KIAA0825: variants seen among roughly 807,000 people sequenced by gnomAD.
The protein encoded by KIAA0825 is KIAA0825, also known as uncharacterized protein KIAA0825.
In KIAA0825, 119 loss-of-function variants were observed where a neutral mutation model predicts 147.6. That is an observed-to-expected ratio of 0.81 (90% CI 0.69 to 0.94). The LOEUF (loss-of-function observed/expected upper bound fraction) is 0.94. KIAA0825 is among the 40% of genes least tolerant of loss of function. The pLI, the probability that KIAA0825 is intolerant of heterozygous loss-of-function variation, is 0.00. For synonymous variants in KIAA0825, 470 were observed against 518.1 expected, an observed-to-expected ratio of 0.91 and a Z score of 1.26; for missense variants, 1,381 against 1,472.7, an observed-to-expected ratio of 0.94 and a Z score of 1.02.
intron 20 of KIAA0825, among the ~76,000 whole-genome samples, chr5:94,269,734 C>G (rs1476198484): frequency 6.6e-6 from 1 of 151,868 alleles, no homozygotes; most frequent in African/African-American, 2.4e-5. Flanking sequence ...AATAAATAAC[C>G]TAATGATGCA....
chr5:94,171,777 TC>T (rs1180487987), intron 20 of KIAA0825, among the ~76,000 whole-genome samples: 9 of 152,238 alleles, frequency 5.9e-5, no homozygotes, highest in Non-Finnish European at 1.0e-4. Flanking sequence ...CTGGACTCTT[TC>T]CTGTTCCCTT....
intron 20 of KIAA0825, among the ~76,000 whole-genome samples, chr5:94,249,777 TCCCCAATATTTTG>T (rs999004752): frequency 6.6e-6 from 1 of 150,380 alleles, no homozygotes; most frequent in African/African-American, 2.4e-5. Flanking sequence ...TTTGCTTTTT[TCCCCAATATTTTG>T]CTCTGCTGGT....
chr5:94,467,010 A>C (rs1323965786), intron 10 of KIAA0825, among the ~76,000 whole-genome samples: 7 of 152,146 alleles, frequency 4.6e-5, no homozygotes, highest in Admixed American at 4.6e-4. Context: ...GATCAAAATG[A>C]TTTCTCATAT....
At chr5:94,352,647 T>C (rs996478923) in intron 20 of KIAA0825, among the ~76,000 whole-genome samples, 16 of 152,288 alleles carry the variant, frequency 1.1e-4, no homozygotes, top group Non-Finnish European at 1.3e-4. Context: ...CAATTCACAA[T>C]TGCAAAATCA....
intron 20 of KIAA0825, among the ~76,000 whole-genome samples, chr5:94,263,109 C>T (rs1776579588): frequency 6.6e-6 from 1 of 152,012 alleles, no homozygotes; most frequent in Non-Finnish European, 1.5e-5. Flanking sequence ...TTGTTAGGTT[C>T]TAGACCACTA....
rs756800968 is a variant in KIAA0825, at chr5:94,384,473, A to G, written c.3620-15T>C. 2 of 1,538,020 alleles carry G rather than the reference A, an allele frequency of 1.3e-6. No individual in the cohort carries two copies. Among genetic ancestry groups the G allele is most frequent in the South Asian group, 2.4e-5 (2 of 83,764 alleles). ...TTTTGTGATGGCTGACTGTTGATAAATGAGAAGACACTATTGTTAGTTATT... is the reference window on the plus strand; with the variant it reads ...TTTTGTGATGGCTGACTGTTGATAAGTGAGAAGACACTATTGTTAGTTATT... On this transcript the variant is annotated splice_polypyrimidine_tract_variant and intron_variant, in intron 19 of 20. Coordinates refer to ENST00000682413, the MANE Select transcript of KIAA0825 (RefSeq NM_001145678.3).
chr5:94,583,227 G>C (rs1782567632), intron 1 of KIAA0825, among the ~76,000 whole-genome samples: 1 of 152,206 alleles, frequency 6.6e-6, no homozygotes, highest in Non-Finnish European at 1.5e-5. Context: ...AAGTGCAAAG[G>C]GTCGTGGGAT....
intron 20 of KIAA0825, among the ~76,000 whole-genome samples, chr5:94,259,149 C>A (rs934720161): frequency 6.6e-6 from 1 of 151,946 alleles, no homozygotes; most frequent in Non-Finnish European, 1.5e-5. Flanking sequence ...TAAGAGAATT[C>A]CTGCAGTTAC....
chr5:94,443,336 T>TTATATATA (rs5869629), intron 13 of KIAA0825, among the ~76,000 whole-genome samples: 28 of 145,430 alleles, frequency 1.9e-4, no homozygotes, highest in Admixed American at 3.5e-4. Context: ...AAGGGAAATT[T>TTATATATA]TATATATATA....
chr5:94,177,285 A>G (rs2149965773), intron 20 of KIAA0825, among the ~76,000 whole-genome samples: 1 of 152,238 alleles, frequency 6.6e-6, no homozygotes, highest in South Asian at 2.1e-4. Flanking sequence ...TTTAAATTCT[A>G]TATTACATGG....
chr5:94,417,169 C>T (rs29911), intron 15 of KIAA0825, 32 bp downstream of exon 15: 178,970 of 1,532,666 alleles, frequency 0.12, 11,594 homozygotes, highest in East Asian at 0.27. Flanking sequence ...ATCTATAGAA[C>T]ATTTCTTTTA....
chr5:94,270,065 A>G (rs1000493764), intron 20 of KIAA0825, among the ~76,000 whole-genome samples: 11 of 152,124 alleles, frequency 7.2e-5, no homozygotes, highest in African/African-American at 2.7e-4. Context: ...ATAAATTCCT[A>G]GACACATATA....
intron 5 of KIAA0825, among the ~76,000 whole-genome samples, chr5:94,505,762 A>G (rs1363599705): frequency 2.0e-5 from 3 of 152,244 alleles, no homozygotes; most frequent in Non-Finnish European, 2.9e-5. Context: ...TGCATGGGAT[A>G]AATCCTAAAA....
At chr5:94,528,062 A>T (rs561965546) in intron 3 of KIAA0825, among the ~76,000 whole-genome samples, 2 of 152,322 alleles carry the variant, frequency 1.3e-5, no homozygotes, top group African/African-American at 4.8e-5. Context: ...AATGGCTAAA[A>T]TGGTGAGAAA....
intron 14 of KIAA0825, among the ~76,000 whole-genome samples, chr5:94,425,691 T>C (rs1754766092): frequency 6.6e-6 from 1 of 152,152 alleles, no homozygotes; most frequent in African/African-American, 2.4e-5. Flanking sequence ...GAAATCTCCA[T>C]ATTGTTTTAC....
intron 12 of KIAA0825, among the ~76,000 whole-genome samples, chr5:94,461,284 A>G (rs750578187): frequency 2.0e-5 from 3 of 151,950 alleles, no homozygotes; most frequent in Non-Finnish European, 4.4e-5. Flanking sequence ...AAATTTGTCA[A>G]CTTTGTTCCC....
intron 20 of KIAA0825, among the ~76,000 whole-genome samples, chr5:94,382,621 A>C (rs1748572279): frequency 6.6e-6 from 1 of 152,198 alleles, no homozygotes; most frequent in Non-Finnish European, 1.5e-5. Context: ...TGTTTCTATT[A>C]AAAATTCATG....
At chr5:94,256,259 T>C (rs777911972) in intron 20 of KIAA0825, among the ~76,000 whole-genome samples, 5 of 152,172 alleles carry the variant, frequency 3.3e-5, no homozygotes, top group Non-Finnish European at 7.4e-5. Flanking sequence ...AACAAGTTTT[T>C]CATTTTAATG....
At chr5:94,567,846 G>A (rs1445236278) in intron 2 of KIAA0825, 1 of 155,080 alleles carries the variant, frequency 6.4e-6, no homozygotes, top group Non-Finnish European at 1.4e-5. Flanking sequence ...GCCATAGAAG[G>A]CCCTACCCCC....
Sources: gnomAD v4.1 joint callset for allele counts (sites outside exome capture counted in the v4.1 genomes callset) on GRCh38, gnomAD v4.1.1 for gene constraint, MANE v1.5 for transcripts, NCBI Gene and HGNC (gene_info 2026-07-23, HGNC 2026-07-21) for gene names.